The following MDGA2 variants were observed in gnomAD, a reference collection of about 807,000 sequenced individuals.
MDGA2 encodes the protein MAM domain containing glycosylphosphatidylinositol anchor 2, also known as MAM domain-containing glycosylphosphatidylinositol anchor protein 2.
Under a neutral mutation model 117.8 loss-of-function variants are expected in MDGA2, and 40 were observed. The ratio of observed to expected loss-of-function variants is 0.34; its 90% CI spans 0.26 to 0.44. MDGA2 has a LOEUF of 0.44. Ranked by LOEUF, MDGA2 falls within the 20% of genes least tolerant of loss-of-function variation. The pLI, the probability that MDGA2 is intolerant of heterozygous loss-of-function variation, is 1.00. For synonymous variants in MDGA2, 452 were observed against 439.0 expected, an observed-to-expected ratio of 1.03 and a Z score of -0.37; for missense variants, 1,123 against 1,250.6, an observed-to-expected ratio of 0.90 and a Z score of 1.54.
intron 1 of MDGA2, among the ~76,000 whole-genome samples, chr14:47,547,591 T>C (rs982244989): frequency 6.6e-6 from 1 of 152,096 alleles, no homozygotes; most frequent in African/African-American, 2.4e-5. Flanking sequence ...AAGAGAGAAA[T>C]AGCATTTTTC....
chr14:47,122,499 T>C (rs115421373), intron 5 of MDGA2, among the ~76,000 whole-genome samples: 2,442 of 152,166 alleles, frequency 0.016, 63 homozygotes, highest in African/African-American at 0.056. Flanking sequence ...AAAGATGACA[T>C]TTTGACATAA....
intron 1 of MDGA2, among the ~76,000 whole-genome samples, chr14:47,356,822 C>T (rs917096276): frequency 2.0e-5 from 3 of 152,176 alleles, no homozygotes; most frequent in African/African-American, 7.2e-5. Context: ...GCATTCTAAA[C>T]ACCACCCATT....
chr14:47,323,983 C>T (rs906635776), intron 1 of MDGA2, among the ~76,000 whole-genome samples: 1 of 151,866 alleles, frequency 6.6e-6, no homozygotes, highest in Non-Finnish European at 1.5e-5. Context: ...TGGTGGCTCA[C>T]GCCTGTAATC....
At chr14:47,596,528 T>C (rs1410966952) in intron 1 of MDGA2, among the ~76,000 whole-genome samples, 3 of 152,216 alleles carry the variant, frequency 2.0e-5, no homozygotes, top group Non-Finnish European at 4.4e-5. Context: ...AGCTTCACTT[T>C]CAGCCTCACC....
At chr14:47,309,721 T>G (rs1889574976) in intron 1 of MDGA2, among the ~76,000 whole-genome samples, 1 of 152,096 alleles carries the variant, frequency 6.6e-6, no homozygotes, top group African/African-American at 2.4e-5. Flanking sequence ...CTTTAAACAT[T>G]TAATTTAAGT....
chr14:47,547,445 C>G (rs192081890), intron 1 of MDGA2, among the ~76,000 whole-genome samples: 23 of 152,314 alleles, frequency 1.5e-4, no homozygotes, highest in African/African-American at 5.5e-4. Context: ...ACTTCCTCAT[C>G]TTCCTGTTTT....
intron 7 of MDGA2, among the ~76,000 whole-genome samples, chr14:47,036,754 T>A (rs1353431240): frequency 6.6e-6 from 1 of 152,222 alleles, no homozygotes; most frequent in Non-Finnish European, 1.5e-5. Context: ...TTAAAATTAT[T>A]TTTCAACTAA....
At chr14:47,148,740 T>G (rs1423650154) in intron 3 of MDGA2, among the ~76,000 whole-genome samples, 5 of 152,196 alleles carry the variant, frequency 3.3e-5, no homozygotes, top group Non-Finnish European at 7.3e-5. Context: ...TTTCTGGTGA[T>G]TCAGTTGAAG....
intron 1 of MDGA2, among the ~76,000 whole-genome samples, chr14:47,329,871 A>G (rs894037882): frequency 4.0e-4 from 61 of 152,170 alleles, no homozygotes; most frequent in African/African-American, 9.9e-4. Flanking sequence ...CAAAAGCCAC[A>G]CCTTTAGACG....
At chr14:47,199,320 C>T (rs1200483315) in intron 3 of MDGA2, among the ~76,000 whole-genome samples, 2 of 152,112 alleles carry the variant, frequency 1.3e-5, no homozygotes, top group Non-Finnish European at 2.9e-5. Context: ...TTCAACATTC[C>T]AACAATTTTG....
At chr14:46,858,146 T>C (rs1224432756) in intron 14 of MDGA2, among the ~76,000 whole-genome samples, 1 of 151,416 alleles carries the variant, frequency 6.6e-6, no homozygotes, top group East Asian at 1.9e-4. Flanking sequence ...TTTCCCCTAT[T>C]TTCTCAAATT....
At chr14:47,431,493 G>GA (rs1415494306) in intron 1 of MDGA2, among the ~76,000 whole-genome samples, 1 of 151,886 alleles carries the variant, frequency 6.6e-6, no homozygotes. Flanking sequence ...CACACAAAAA[G>GA]AATTTGTTAA....
intron 1 of MDGA2, among the ~76,000 whole-genome samples, chr14:47,548,446 A>AT (rs1181209258): frequency 6.6e-6 from 1 of 151,858 alleles, no homozygotes; most frequent in Non-Finnish European, 1.5e-5. Context: ...TTAATGACTA[A>AT]TTTTTTTGCT....
intron 5 of MDGA2, among the ~76,000 whole-genome samples, chr14:47,121,334 A>G (rs998757638): frequency 1.4e-4 from 22 of 152,194 alleles, no homozygotes; most frequent in African/African-American, 5.1e-4. Context: ...GCTTTAGAAA[A>G]TTCAGCAGAA....
chr14:47,237,371 C>G (rs1886898777), intron 2 of MDGA2, among the ~76,000 whole-genome samples: 1 of 152,132 alleles, frequency 6.6e-6, no homozygotes, highest in African/African-American at 2.4e-5. Context: ...TTAATGCAAA[C>G]TTACCTTTAT....
In MDGA2 at chr14:47,450,844, G is replaced by A. The variant is rs528538351; in HGVS notation, c.281-149294C>T. On this transcript the variant is annotated intron_variant, in intron 1 of 16. Transcript: ENST00000399232. ...TTTATAATAAAGGTTAATGAATAGA[G>A]AACTGAAGGACTTGCTTTTCAAATA... is the stretch of plus-strand genomic sequence containing the variant. 2.7e-4 allele frequency among the ~76,000 whole-genome samples: 41 copies of A among 152,178 alleles called. 1 individual carries two copies. In the South Asian group the frequency reaches 8.3e-3, roughly 31 times the overall value.
intron 8 of MDGA2, among the ~76,000 whole-genome samples, chr14:46,987,122 A>G (rs760321172): frequency 2.6e-5 from 4 of 152,088 alleles, no homozygotes; most frequent in African/African-American, 7.2e-5. Flanking sequence ...ATGTGCATTT[A>G]CCTCCACTTA....
intron 2 of MDGA2, among the ~76,000 whole-genome samples, chr14:47,243,928 G>T (rs899849561): frequency 3.3e-5 from 5 of 151,714 alleles, no homozygotes; most frequent in Non-Finnish European, 7.4e-5. Flanking sequence ...TTAGTTTATG[G>T]CTTTGTAAAA....
At chr14:47,185,810 A>G (rs112948679) in intron 3 of MDGA2, among the ~76,000 whole-genome samples, 209 of 151,802 alleles carry the variant, frequency 1.4e-3, no homozygotes, top group Non-Finnish European at 2.3e-3. Context: ...TATTTATCAC[A>G]GAAATACTGG....
Sources: allele counts gnomAD v4.1 joint callset (sites outside exome capture counted in the v4.1 genomes callset), GRCh38; gene constraint gnomAD v4.1.1; transcripts MANE v1.5; gene names NCBI Gene and HGNC (gene_info 2026-07-23, HGNC 2026-07-21).